Variants in PMFBP1 observed in about 807,000 individuals in gnomAD.
The protein encoded by PMFBP1 is polyamine-modulated factor 1-binding protein 1.
A neutral mutation model predicts 137.8 loss-of-function variants in PMFBP1; 131 were observed. The observed-to-expected ratio is 0.95, with a 90% CI of 0.82 to 1.10. The LOEUF (loss-of-function observed/expected upper bound fraction) is 1.10. Ranked by LOEUF, PMFBP1 falls within the 50% of genes least tolerant of loss-of-function variation. PMFBP1 has a pLI of 0.00. For missense variants in PMFBP1, 1,199 were observed against 1,175.4 expected (o/e 1.02, Z -0.29); for synonymous variants, 490 against 450.4 (o/e 1.09, Z -1.11).
At chr16:72,237,922 T>C in the PMFBP1 span, among the ~76,000 whole-genome samples, 5 of 152,240 alleles carry the variant, frequency 3.3e-5, no homozygotes, top group African/African-American at 9.6e-5. Context: ...CCTGTATTAG[T>C]TTCCTAAGGA....
At chr16:72,249,558 G>T in the PMFBP1 span, among the ~76,000 whole-genome samples, 2 of 151,644 alleles carry the variant, frequency 1.3e-5, no homozygotes, top group East Asian at 3.9e-4. Flanking sequence ...TGTATGTCAG[G>T]CACTTTACAC....
chr16:72,147,802 A>C (rs1038260745), intron 5 of PMFBP1, among the ~76,000 whole-genome samples: 2 of 152,260 alleles, frequency 1.3e-5, no homozygotes, highest in African/African-American at 2.4e-5. Context: ...AGAGAAGTGC[A>C]AGTCAAAACC....
chr16:72,248,275 C>A, the PMFBP1 span, among the ~76,000 whole-genome samples: 1 of 152,282 alleles, frequency 6.6e-6, no homozygotes, highest in African/African-American at 2.4e-5. Context: ...GTGTGTTGGA[C>A]ACTTAAAACT....
At chr16:72,221,243 G>A in the PMFBP1 span, among the ~76,000 whole-genome samples, 1 of 152,112 alleles carries the variant, frequency 6.6e-6, no homozygotes, top group East Asian at 1.9e-4. Flanking sequence ...TGCAAAATTA[G>A]GAGCTGGTGC....
At chr16:72,128,319 G>C (rs2042491814) in intron 14 of PMFBP1, 1 of 1,200,738 alleles carries the variant, frequency 8.3e-7, no homozygotes, top group Admixed American at 3.5e-5. Context: ...TTTGTGCTTT[G>C]TGACAAGTTT....
intron 3 of PMFBP1, 128 bp downstream of exon 3, chr16:72,164,636 C>G: frequency 7.7e-7 from 1 of 1,306,018 alleles, no homozygotes; most frequent in African/African-American, 1.5e-5. Context: ...TCTCTTAATT[C>G]TCTCTCATTG....
At chr16:72,171,984 G>A (rs144490203) in intron 1 of PMFBP1, 70 bp downstream of exon 1, 32 of 152,272 alleles carry the variant, frequency 2.1e-4, no homozygotes, top group African/African-American at 7.7e-4. Context: ...AATGCACTGA[G>A]CTTATTAAAA....
At chr16:72,126,400 C>T (rs2042459585) in intron 14 of PMFBP1, among the ~76,000 whole-genome samples, 1 of 152,184 alleles carries the variant, frequency 6.6e-6, no homozygotes, top group Admixed American at 6.5e-5. Context: ...CATGATATGC[C>T]AAGTACACAA....
the PMFBP1 span, among the ~76,000 whole-genome samples, chr16:72,209,112 C>G: frequency 4.6e-5 from 7 of 152,230 alleles, no homozygotes; most frequent in Non-Finnish European, 1.0e-4. Context: ...CCGGTGAGCC[C>G]TCTTCCTGGA....
Position 72,150,652 on chromosome 16 carries a change from G to A in PMFBP1, c.592C>T (p.Gln198Ter), listed in dbSNP as rs1349914996. 2 of 1,613,904 alleles carry A rather than the reference G, an allele frequency of 1.2e-6. No homozygotes were observed. Among genetic ancestry groups the A allele is most frequent in the Non-Finnish European group, 1.7e-6 (2 of 1,180,022 alleles). The stretch of plus-strand genomic sequence containing the variant: ...AGTTCCCCCTGCAACATCTTCACTT[G>A]GCATTCTAGTAACTCGATGTTGCTC... ...SLSNIELLEC[Q>*]VKMLQGELGG... is the part of the protein sequence containing the mutation. Residue 198 changes from glutamine (Q) to a stop codon, truncating the protein, a stop_gained, in exon 5 of 21, where the codon CAA (glutamine) becomes TAA (stop). Transcript: ENST00000237353. LOFTEE classifies it high-confidence loss of function.
the PMFBP1 span, among the ~76,000 whole-genome samples, chr16:72,185,293 G>T: frequency 6.6e-6 from 1 of 151,924 alleles, no homozygotes; most frequent in Non-Finnish European, 1.5e-5. Flanking sequence ...CAAAGTGCTG[G>T]GATTACAGGC....
chr16:72,205,363 T>C, the PMFBP1 span, among the ~76,000 whole-genome samples: 1 of 152,374 alleles, frequency 6.6e-6, no homozygotes, highest in Non-Finnish European at 1.5e-5. Flanking sequence ...TTTCCCTGAA[T>C]GGACAGCTCC....
At chr16:72,225,932 CAG>C in the PMFBP1 span, among the ~76,000 whole-genome samples, 16 of 112,716 alleles carry the variant, frequency 1.4e-4, no homozygotes, top group Non-Finnish European at 2.6e-4. Flanking sequence ...TGCACACTCA[CAG>C]ACACACACAC....
At chr16:72,125,459 G>T (rs544846268) in intron 15 of PMFBP1, 54 bp from the exon 16 acceptor site, 2 of 1,570,438 alleles carry the variant, frequency 1.3e-6, no homozygotes, top group Admixed American at 1.8e-5. Context: ...GACCCTCTCT[G>T]CTGAGTCCTG....
At chr16:72,206,746 A>G in the PMFBP1 span, among the ~76,000 whole-genome samples, 3 of 152,156 alleles carry the variant, frequency 2.0e-5, no homozygotes, top group African/African-American at 7.2e-5. Flanking sequence ...GCTGAACTCA[A>G]CGTGCCAACG....
the PMFBP1 span, among the ~76,000 whole-genome samples, chr16:72,198,926 C>T: frequency 6.6e-6 from 1 of 151,882 alleles, no homozygotes; most frequent in Non-Finnish European, 1.5e-5. Context: ...AAATCAGAAC[C>T]TCTCATATGG....
the PMFBP1 span, among the ~76,000 whole-genome samples, chr16:72,211,434 G>C: frequency 6.6e-6 from 1 of 152,184 alleles, no homozygotes; most frequent in Non-Finnish European, 1.5e-5. Context: ...AAGCCTGTTA[G>C]TTGGCAAGTC....
downstream of PMFBP1, among the ~76,000 whole-genome samples, chr16:72,117,724 A>G (rs1443780154): frequency 7.6e-6 from 1 of 132,136 alleles, no homozygotes; most frequent in Non-Finnish European, 1.7e-5. Context: ...AATTCATAAA[A>G]GAGTGTTGTT....
chr16:72,246,452 TA>T, the PMFBP1 span, among the ~76,000 whole-genome samples: 3 of 152,006 alleles, frequency 2.0e-5, no homozygotes, highest in Non-Finnish European at 2.9e-5. Context: ...ACAAGGCACA[TA>T]GGTCCTTTGT....
Sources: allele counts gnomAD v4.1 joint callset (sites outside exome capture counted in the v4.1 genomes callset), GRCh38; gene constraint gnomAD v4.1.1; transcripts MANE v1.5; gene names NCBI Gene and HGNC (gene_info 2026-07-23, HGNC 2026-07-21).